SIRT1: variants seen among roughly 807,000 people sequenced by gnomAD.
SIRT1 encodes the protein sirtuin 1.
SIRT1 carries 24 observed loss-of-function variants against 67.9 expected under a neutral mutation model. The ratio of observed to expected loss-of-function variants is 0.35; its 90% confidence interval spans 0.26 to 0.50. The LOEUF (loss-of-function observed/expected upper bound fraction) is 0.50. Ranked by LOEUF, SIRT1 falls within the 20% of genes least tolerant of loss-of-function variation. The probability of loss-of-function intolerance (pLI) is 0.98; values close to 1 mark genes in which losing one functional copy is unlikely to be tolerated. For missense variants in SIRT1, 873 were observed against 937.2 expected, an observed-to-expected ratio of 0.93 and a Z score of 0.89; for synonymous variants, 378 against 350.7, an observed-to-expected ratio of 1.08 and a Z score of -0.87.
chr10:67,906,319 A>G, intron 4 of SIRT1: 1 of 1,550,288 alleles, frequency 6.5e-7, no homozygotes. Context: ...TTAAACTTCC[A>G]GCAGGTTGAT....
chr10:67,907,987 T>G, intron 5 of SIRT1, 59 bp from the exon 6 acceptor site: 4 of 1,362,052 alleles, frequency 2.9e-6, no homozygotes, highest in Non-Finnish European at 4.2e-6. Context: ...ACGTTTGTGG[T>G]GTGTTCAAGA....
chr10:67,916,214 C>G, intron 8 of SIRT1, 51 bp from the exon 9 acceptor site: 1 of 1,489,004 alleles, frequency 6.7e-7, no homozygotes, highest in Non-Finnish European at 9.2e-7. Context: ...ACTGCTCAGA[C>G]TGAGTTAGTG....
rs997761261 is a variant in SIRT1 at position 67,891,260 on chromosome 10, G to A, written c.790-142G>A. 4 of 638,212 alleles carry A rather than the reference G, an allele frequency of 6.3e-6. No individual in the cohort carries two copies. The Admixed American group carries it at 1.2e-4, about 19-fold the overall frequency. 39.5% of individuals were successfully genotyped at this position (638,212 alleles called of 1,614,324 possible). A position where few individuals can be genotyped will look rare whatever the true frequency, so the allele number is the denominator to read the frequency against. On this transcript the variant is annotated intron_variant, in intron 3 of 8. Coordinates refer to ENST00000212015, the MANE Select transcript of SIRT1 (RefSeq NM_012238.5). ...GAGTTTTATTTCTGAAATAAGGGTA[G>A]GGTTGTATTTTTATTTCTTAAAAGA... is the stretch of plus-strand genomic sequence containing the variant.
chr10:67,887,517 T>TC lies in SIRT1; in HGVS notation c.533dup (p.Arg179LysfsTer25). ...CACATGCAAGCTCTAGTGACTGGAC[T>TC]CCAAGGCCACGGATAGGTATGGCTC... On this transcript the variant is annotated frameshift_variant, in exon 2 of 9. Coordinates refer to ENST00000212015, the MANE Select transcript of SIRT1 (RefSeq NM_012238.5). LOFTEE classifies it high-confidence loss of function. 6.2e-7 allele frequency: 1 copy of TC among 1,609,736 alleles called. No individual in the cohort carries two copies. The highest frequency in any genetic ancestry group is 8.5e-7 in the Non-Finnish European group (1 of 1,176,112).
chr10:67,900,682 G>A (rs1015167135), intron 4 of SIRT1, among the ~76,000 whole-genome samples: 3 of 152,110 alleles, frequency 2.0e-5, no homozygotes, highest in South Asian at 4.1e-4. Flanking sequence ...GAGCTCGAGT[G>A]ATTCTGCTGC....
chr10:67,915,164 G>A (rs967129044), intron 8 of SIRT1, among the ~76,000 whole-genome samples: 39 of 152,170 alleles, frequency 2.6e-4, no homozygotes, highest in African/African-American at 8.4e-4. Context: ...TAGTCAGGGT[G>A]AGAACTGGGT....
chr10:67,917,233 C>T lies in SIRT1; in HGVS notation c.*640C>T, dbSNP rs2029950237. 1 of 152,506 alleles carries T rather than the reference C, an allele frequency of 6.6e-6. No homozygotes were observed. The highest frequency in any genetic ancestry group is 2.4e-5 in the African/African-American group (1 of 41,418). The allele number at this position is 152,506 out of a possible 1,614,324, so 9.4% of individuals were successfully genotyped here. On this transcript the variant is annotated 3_prime_UTR_variant, in exon 9 of 9. Coordinates refer to ENST00000212015, the MANE Select transcript of SIRT1 (RefSeq NM_012238.5). The stretch of plus-strand genomic sequence containing the variant: ...TTACTTTTAAAAGTAATACTTGGTG[C>T]TAAGAATTTCAGGATTATTGTATTT...
chr10:67,913,099 T>C lies in SIRT1; in HGVS notation c.1915+68T>C, dbSNP rs1165296095. ...AACAGTATTTCCAAAAAATTAGCTA[T>C]TTCGGCAGGTTAATCGATAGGGTAG... On this transcript the variant is annotated intron_variant, in intron 8 of 8. Coordinates refer to ENST00000212015, the MANE Select transcript of SIRT1 (RefSeq NM_012238.5). 4.1e-6 allele frequency: 6 copies of C among 1,476,034 alleles called. No individual in the cohort carries two copies. The African/African-American group carries it at 8.5e-5, about 21-fold the overall frequency. 91.4% of individuals were successfully genotyped at this position (1,476,034 alleles called of 1,614,324 possible).
At chr10:67,911,589 G>A (rs1842898351) in intron 7 of SIRT1, among the ~76,000 whole-genome samples, 1 of 151,844 alleles carries the variant, frequency 6.6e-6, no homozygotes, top group Non-Finnish European at 1.5e-5. Context: ...CGTAGAATAT[G>A]TTTATATGAC....
Position 67,885,142 on chromosome 10 carries a change from G to A in SIRT1, c.421G>A (p.Gly141Arg). The A allele has an allele frequency of 7.1e-7, 1 of 1,410,050 alleles. No homozygotes were observed. Among genetic ancestry groups the A allele is most frequent in the Non-Finnish European group, 9.3e-7 (1 of 1,074,546 alleles). The allele number at this position is 1,410,050 out of a possible 1,614,324, so 87.3% of individuals were successfully genotyped here. A position where few individuals can be genotyped will look rare whatever the true frequency, so the allele number is the denominator to read the frequency against. The change falls in exon 1 of 9, where the codon GGG (glycine) becomes AGG (arginine). Residue 141 changes from glycine to arginine, a missense_variant. By Grantham distance (125) the Gly-to-Arg change is moderately radical. Around this residue, in one of 3 missense-constraint regions of SIRT1, gnomAD observed 327 missense variants for 283.9 expected, o/e 1.15. Transcript: ENST00000212015. ...EEEEAAAAAI[G>R]YRDNLLFGDE... Reference sequence around the variant, plus strand: ...GGAAGAGGCGGCGGCGGCGGCGATTGGGTACCGAGGTGCGCAGGGTGCGGG... The same window carrying A: ...GGAAGAGGCGGCGGCGGCGGCGATTAGGTACCGAGGTGCGCAGGGTGCGGG...
At chr10:67,898,733 G>T (rs1208714992) in intron 4 of SIRT1, among the ~76,000 whole-genome samples, 3 of 152,164 alleles carry the variant, frequency 2.0e-5, no homozygotes, top group African/African-American at 7.2e-5. Context: ...CAACTCAGGA[G>T]GGTAAGGTGG....
At chr10:67,906,224 G>A in intron 4 of SIRT1, 7 of 1,499,348 alleles carry the variant, frequency 4.7e-6, no homozygotes, top group Non-Finnish European at 6.2e-6. Flanking sequence ...CAGCAACTCA[G>A]CATTCATGAG....
intron 3 of SIRT1, among the ~76,000 whole-genome samples, chr10:67,889,488 G>C (rs1231825235): frequency 6.6e-6 from 1 of 152,166 alleles, no homozygotes; most frequent in East Asian, 1.9e-4. Flanking sequence ...TGAGAAACTG[G>C]AAACCTAATT....
chr10:67,885,349 TC>T, intron 1 of SIRT1, 198 bp downstream of exon 1: 1 of 1,235,938 alleles, frequency 8.1e-7, no homozygotes, highest in Non-Finnish European at 1.0e-6. Flanking sequence ...TTCGCTCTTT[TC>T]CTCCGTCCGT....
intron 7 of SIRT1, among the ~76,000 whole-genome samples, chr10:67,911,850 C>A (rs955509717): frequency 7.2e-6 from 1 of 139,696 alleles, no homozygotes; most frequent in Non-Finnish European, 1.5e-5. Flanking sequence ...ATGATCTCGG[C>A]TCACTGCAGT....
At position 67,886,069 on chromosome 10, in the gene SIRT1, A is replaced by G. The variant is rs1466164963; in HGVS notation, c.430+918A>G. Among the ~76,000 whole-genome samples, 3 of 148,984 alleles carry G rather than the reference A, an allele frequency of 2.0e-5. No homozygotes were observed. The Admixed American group carries it at 2.0e-4, about 10-fold the overall frequency. On this transcript the variant is annotated intron_variant, in intron 1 of 8. Transcript: ENST00000212015. ...CAACCGATTCTCCTTCAGCCTGCCG[A>G]GTAGCTGGGACTACAGACACCCGCC...
chr10:67,907,490 CAAAA>C (rs373037115), intron 5 of SIRT1, among the ~76,000 whole-genome samples: 5 of 109,016 alleles, frequency 4.6e-5, no homozygotes, highest in South Asian at 3.2e-4. Flanking sequence ...GAGACTCTGT[CAAAA>C]AAAAAAAAAA....
chr10:67,886,379 G>GC (rs1842480803), intron 1 of SIRT1, among the ~76,000 whole-genome samples: 2 of 151,886 alleles, frequency 1.3e-5, no homozygotes, highest in African/African-American at 2.4e-5. Flanking sequence ...GATCTCTTGA[G>GC]CCTAGGAGTT....
In SIRT1 at chr10:67,916,674, C is replaced by G; in HGVS notation, c.*81C>G. On this transcript the variant is annotated 3_prime_UTR_variant, in exon 9 of 9. Transcript: ENST00000212015. ...GTCAAAATGAATGTTTACTTGTGAA[C>G]TCGATAGAGCAAGGAAACCAGAAAG... 8.7e-7 allele frequency: 1 copy of G among 1,147,044 alleles called. No homozygotes were observed. The highest frequency in any genetic ancestry group is 1.6e-5 in the South Asian group (1 of 60,728). The allele number at this position is 1,147,044 out of a possible 1,614,324, so 71.1% of individuals were successfully genotyped here. A position where few individuals can be genotyped will look rare whatever the true frequency, so the allele number is the denominator to read the frequency against.
Sources: gnomAD v4.1 joint callset for allele counts (sites outside exome capture counted in the v4.1 genomes callset) on GRCh38, gnomAD v4.1.1 for gene constraint, gnomAD v4.1.1 regional missense constraint, MANE v1.5 for transcripts, NCBI Gene and HGNC (gene_info 2026-07-23, HGNC 2026-07-21) for gene names.